Variants in IYD observed in about 807,000 individuals in gnomAD.
IYD encodes iodotyrosine deiodinase 1.
In IYD, 25 loss-of-function variants were observed where a neutral mutation model predicts 28.4. That is an observed-to-expected ratio of 0.88 (90% CI 0.64 to 1.23). The LOEUF is 1.23. Among genes scored for constraint, IYD ranks in the 50% most tolerant of loss-of-function variants. IYD has a pLI of 0.00. For missense variants in IYD, 352 were observed against 357.9 expected (o/e 0.98, Z 0.13); for synonymous variants, 140 against 130.8 (o/e 1.07, Z -0.48).
chr6:150,379,808 G>A (rs1582777665), intron 1 of IYD, among the ~76,000 whole-genome samples: 1 of 152,224 alleles, frequency 6.6e-6, no homozygotes, highest in East Asian at 1.9e-4. Context: ...TCCATTATCT[G>A]ATCATTGGGT....
intron 1 of IYD, among the ~76,000 whole-genome samples, chr6:150,371,392 G>A (rs532777401): frequency 6.6e-6 from 1 of 152,310 alleles, no homozygotes; most frequent in South Asian, 2.1e-4. Context: ...CTGGGAGAAT[G>A]ACCTAGAATG....
intron 1 of IYD, among the ~76,000 whole-genome samples, chr6:150,389,069 A>G (rs1045671630): frequency 6.6e-6 from 1 of 152,080 alleles, no homozygotes; most frequent in African/African-American, 2.4e-5. Context: ...CAGTGGTGTG[A>G]TGATAGCTCA....
chr6:150,379,890 A>G (rs1777584534), intron 1 of IYD, among the ~76,000 whole-genome samples: 1 of 152,194 alleles, frequency 6.6e-6, no homozygotes, highest in South Asian at 2.1e-4. Flanking sequence ...AAGGGTGTAT[A>G]AGCATTTGGA....
intron 4 of IYD, chr6:150,395,654 A>T: frequency 9.5e-7 from 1 of 1,053,728 alleles, no homozygotes; most frequent in Non-Finnish European, 1.4e-6. Flanking sequence ...AGAGTAGGTT[A>T]TGATTAGTGA....
intron 1 of IYD, among the ~76,000 whole-genome samples, chr6:150,375,855 A>C (rs529460154): frequency 3.9e-5 from 6 of 152,174 alleles, no homozygotes; most frequent in Non-Finnish European, 8.8e-5. Context: ...AGGCTTCCAA[A>C]ATTGCAAGAA....
intron 2 of IYD, chr6:150,389,755 G>T: frequency 3.7e-6 from 2 of 542,592 alleles, no homozygotes; most frequent in African/African-American, 1.9e-5. Context: ...GGAAGAAGAT[G>T]TGACAATAGT....
intron 3 of IYD, among the ~76,000 whole-genome samples, chr6:150,393,191 G>A (rs1778189816): frequency 6.6e-6 from 1 of 152,138 alleles, no homozygotes; most frequent in African/African-American, 2.4e-5. Flanking sequence ...ACAGGGGGTG[G>A]GTACACAAGA....
At chr6:150,387,429 TAAAA>T (rs35642662) in intron 1 of IYD, among the ~76,000 whole-genome samples, 1,605 of 133,888 alleles carry the variant, frequency 0.012, 37 homozygotes, top group African/African-American at 0.039. Flanking sequence ...AAAGTTCTTG[TAAAA>T]AAAAAAAAAA....
At chr6:150,396,021 T>C (rs1778299998) in intron 4 of IYD, 1 of 265,454 alleles carries the variant, frequency 3.8e-6, no homozygotes, top group African/African-American at 2.2e-5. Flanking sequence ...TAGAATATAA[T>C]ATACAAGCCT....
At chr6:150,369,738 A>G (rs538721781) in intron 1 of IYD, among the ~76,000 whole-genome samples, 2 of 152,308 alleles carry the variant, frequency 1.3e-5, no homozygotes, top group Admixed American at 1.3e-4. Flanking sequence ...GGTGGAACTG[A>G]TTCTAAGGTG....
Position 150,398,711 on chromosome 6 carries a change from G to A in IYD, c.*474G>A. The A allele has an allele frequency of 6.3e-6, 1 of 157,710 alleles. No homozygotes were observed. Among genetic ancestry groups the A allele is most frequent in the Non-Finnish European group, 1.4e-5 (1 of 71,796 alleles). 9.8% of individuals were successfully genotyped at this position (157,710 alleles called of 1,614,324 possible). A position where few individuals can be genotyped will look rare whatever the true frequency, so the allele number is the denominator to read the frequency against. Reference sequence around the variant, plus strand: ...CTTTTTTTTTTTTACCAAACTTCAGGGACACTCTGCTAGTTTTGAATAAGT... The same window carrying A: ...CTTTTTTTTTTTTACCAAACTTCAGAGACACTCTGCTAGTTTTGAATAAGT... On this transcript the variant is annotated 3_prime_UTR_variant, in exon 5 of 5. Coordinates refer to ENST00000344419, the MANE Select transcript of IYD (RefSeq NM_203395.3).
Position 150,394,175 on chromosome 6 carries a change from G to A in IYD, c.607G>A (p.Ala203Thr), listed in dbSNP as rs377381152. The change falls in exon 4 of 5, where the codon GCA becomes ACA. Residue 203 changes from alanine (A) to threonine (T), a missense_variant. By Grantham distance (58) the Ala-to-Thr change is moderately conservative (BLOSUM62 0). Transcript: ENST00000344419. ...TTTCAAACAAGTACATGGTTTCGCCGCAAATGGCAAGAAAAAAGTCCACTA... is the reference window on the plus strand; with the variant it reads ...TTTCAAACAAGTACATGGTTTCGCCACAAATGGCAAGAAAAAAGTCCACTA... ...LIFKQVHGFA[A>T]NGKKKVHYYN... 42 of 1,613,896 alleles carry A rather than the reference G, an allele frequency of 2.6e-5. No individual in the cohort carries two copies. Among genetic ancestry groups the A allele is most frequent in the East Asian group, 6.7e-5 (3 of 44,894 alleles).
intron 2 of IYD, 28 bp from the exon 3 acceptor site, chr6:150,392,316 AT>A: frequency 1.2e-6 from 2 of 1,611,920 alleles, no homozygotes; most frequent in Non-Finnish European, 1.7e-6. Flanking sequence ...TGCAGTTTTA[AT>A]TTCTGATTTT....
intron 1 of IYD, among the ~76,000 whole-genome samples, chr6:150,387,109 C>T (rs952375672): frequency 4.6e-5 from 7 of 152,212 alleles, no homozygotes; most frequent in African/African-American, 1.2e-4. Context: ...GTGCCATTTA[C>T]GTAGCTTACC....
At chr6:150,383,549 G>A (rs1252276946) in intron 1 of IYD, among the ~76,000 whole-genome samples, 2 of 152,092 alleles carry the variant, frequency 1.3e-5, no homozygotes, top group Non-Finnish European at 1.5e-5. Flanking sequence ...TTTCTAGCTT[G>A]CGGCGTTCAT....
At chr6:150,386,487 A>T (rs956625335) in intron 1 of IYD, among the ~76,000 whole-genome samples, 1 of 152,096 alleles carries the variant, frequency 6.6e-6, no homozygotes, top group African/African-American at 2.4e-5. Context: ...CTTAAAAAAA[A>T]ATGTGTTCTG....
At chr6:150,389,940 G>A (rs1220976938) in intron 2 of IYD, among the ~76,000 whole-genome samples, 1 of 151,964 alleles carries the variant, frequency 6.6e-6, no homozygotes, top group Non-Finnish European at 1.5e-5. Context: ...TTTTTTGGAA[G>A]CAAATTTCTT....
rs186060015 is a variant in IYD at position 150,403,817 on chromosome 6, T to C, written c.*5580T>C. On this transcript the variant is annotated 3_prime_UTR_variant, in exon 5 of 5. Coordinates refer to ENST00000344419, the MANE Select transcript of IYD (RefSeq NM_203395.3). Reference sequence around the variant, plus strand: ...AGGATTGAATTCAACAGCATTTAAATGTCTTTAGAGCAGGATGGAAATATG... The same window carrying C: ...AGGATTGAATTCAACAGCATTTAAACGTCTTTAGAGCAGGATGGAAATATG... 2.0e-5 allele frequency: 3 copies of C among 152,356 alleles called. No individual in the cohort carries two copies. Among genetic ancestry groups the C allele is most frequent in the African/African-American group, 7.2e-5 (3 of 41,576 alleles). 9.4% of individuals were successfully genotyped at this position (152,356 alleles called of 1,614,324 possible).
intron 1 of IYD, among the ~76,000 whole-genome samples, chr6:150,387,429 T>TAAA (rs35642662): frequency 0.011 from 1,529 of 133,812 alleles, 22 homozygotes; most frequent in African/African-American, 0.039. Flanking sequence ...AAAGTTCTTG[T>TAAA]AAAAAAAAAA....
Sources: allele counts gnomAD v4.1 joint callset (sites outside exome capture counted in the v4.1 genomes callset), GRCh38; gene constraint gnomAD v4.1.1; transcripts MANE v1.5; gene names NCBI Gene and HGNC (gene_info 2026-07-23, HGNC 2026-07-21).